MSRB3: variants seen among roughly 807,000 people sequenced by gnomAD.
MSRB3 encodes methionine-R-sulfoxide reductase B3.
Under a neutral mutation model 21.0 loss-of-function variants are expected in MSRB3, and 13 were observed. The observed-to-expected ratio is 0.62, with a 90% CI of 0.40 to 0.98. The LOEUF (loss-of-function observed/expected upper bound fraction) is 0.98. MSRB3 is among the 50% of genes least tolerant of loss of function. The pLI is 0.00. For missense variants in MSRB3, 199 were observed against 230.3 expected (o/e 0.86, Z 0.88); for synonymous variants, 87 against 88.6 (o/e 0.98, Z 0.10).
chr12:65,424,352 C>G (rs1320686559), intron 5 of MSRB3, among the ~76,000 whole-genome samples: 1 of 151,694 alleles, frequency 6.6e-6, no homozygotes, highest in Non-Finnish European at 1.5e-5. Flanking sequence ...TTCCTGCTAT[C>G]TTTTTGCCTA....
intron 5 of MSRB3, among the ~76,000 whole-genome samples, chr12:65,439,036 T>G (rs1032484116): frequency 2.6e-5 from 4 of 151,876 alleles, no homozygotes; most frequent in Non-Finnish European, 5.9e-5. Flanking sequence ...TGAGTTAAGT[T>G]CTAGTTATTT....
intron 5 of MSRB3, among the ~76,000 whole-genome samples, chr12:65,441,441 C>A (rs1000001549): frequency 6.6e-6 from 1 of 151,970 alleles, no homozygotes; most frequent in Admixed American, 6.6e-5. Flanking sequence ...GACTCTGTAA[C>A]TAATTCGGCT....
intron 5 of MSRB3, 68 bp from the exon 6 acceptor site, chr12:65,453,660 A>G: frequency 8.7e-7 from 1 of 1,153,504 alleles, no homozygotes; most frequent in South Asian, 1.2e-5. Context: ...ATTTCTTTAA[A>G]ATGCATTCTA....
At chr12:65,423,518 A>G (rs1394992282) in intron 5 of MSRB3, among the ~76,000 whole-genome samples, 1 of 152,068 alleles carries the variant, frequency 6.6e-6, no homozygotes, top group Non-Finnish European at 1.5e-5. Context: ...GCACATTCCT[A>G]CTATACCTAA....
chr12:65,428,249 T>C (rs1406012641), intron 5 of MSRB3, among the ~76,000 whole-genome samples: 1 of 152,226 alleles, frequency 6.6e-6, no homozygotes, highest in Admixed American at 6.5e-5. Flanking sequence ...TTCTTTGTTC[T>C]GGGCAATATC....
At chr12:65,335,530 A>G (rs764337936) in intron 4 of MSRB3, among the ~76,000 whole-genome samples, 19 of 152,152 alleles carry the variant, frequency 1.2e-4, no homozygotes, top group Non-Finnish European at 2.2e-4. Flanking sequence ...AGTTCACTCA[A>G]CTGTGCTACT....
intron 4 of MSRB3, among the ~76,000 whole-genome samples, chr12:65,331,492 G>A (rs1005307702): frequency 1.3e-5 from 2 of 152,176 alleles, no homozygotes; most frequent in African/African-American, 4.8e-5. Flanking sequence ...AGTTGTTATG[G>A]TGCCATGATG....
intron 5 of MSRB3, among the ~76,000 whole-genome samples, chr12:65,377,556 T>C (rs1230330176): frequency 6.6e-6 from 1 of 152,238 alleles, no homozygotes; most frequent in Non-Finnish European, 1.5e-5. Context: ...TGCCTCGGCC[T>C]CCCAAATTGC....
intron 2 of MSRB3, 60 bp downstream of exon 2, chr12:65,308,715 C>A: frequency 6.2e-7 from 1 of 1,610,652 alleles, no homozygotes; most frequent in Non-Finnish European, 8.5e-7. Flanking sequence ...GTTTCTGCTG[C>A]AGGAAATGAT....
chr12:65,352,482 G>A (rs909582202), intron 4 of MSRB3, among the ~76,000 whole-genome samples: 8 of 151,034 alleles, frequency 5.3e-5, no homozygotes, highest in East Asian at 2.0e-4. Flanking sequence ...GGCAGGAGAA[G>A]GAAATAAAGG....
chr12:65,369,541 A>C (rs1353834399), intron 5 of MSRB3, among the ~76,000 whole-genome samples: 1 of 152,202 alleles, frequency 6.6e-6, no homozygotes, highest in Non-Finnish European at 1.5e-5. Flanking sequence ...TTTTGAATCT[A>C]TTAAGACAAA....
chr12:65,435,585 T>C (rs902303028), intron 5 of MSRB3, among the ~76,000 whole-genome samples: 6 of 151,880 alleles, frequency 4.0e-5, no homozygotes, highest in African/African-American at 1.4e-4. Flanking sequence ...TGTACACCTG[T>C]TTGTTCACAG....
chr12:65,408,065 T>A (rs903535406), intron 5 of MSRB3, among the ~76,000 whole-genome samples: 2 of 152,104 alleles, frequency 1.3e-5, no homozygotes, highest in African/African-American at 4.8e-5. Context: ...GCTTGCTCTA[T>A]CTCTTCAAAA....
chr12:65,381,428 G>A (rs1355727154), intron 5 of MSRB3, among the ~76,000 whole-genome samples: 1 of 152,112 alleles, frequency 6.6e-6, no homozygotes, highest in South Asian at 2.1e-4. Context: ...ACATTCAACT[G>A]CAATGTGTAG....
Position 65,432,575 on chromosome 12 carries a change from C to A in MSRB3, c.293-21153C>A, listed in dbSNP as rs561285544. The stretch of plus-strand genomic sequence containing the variant: ...TAAATGGATTGACTCACCTTTTTAG[C>A]AGATGAAGATAGGAACAAAGATATC... On this transcript the variant is annotated intron_variant, in intron 5 of 6. Coordinates refer to ENST00000308259, the MANE Select transcript of MSRB3 (RefSeq NM_001031679.3). Among the ~76,000 whole-genome samples the A allele has an allele frequency of 1.8e-4, 27 of 152,042 alleles. No homozygotes were observed. In the East Asian group the frequency reaches 4.0e-3, roughly 23 times the overall value.
At chr12:65,352,852 A>G (rs894563291) in intron 4 of MSRB3, among the ~76,000 whole-genome samples, 35 of 151,460 alleles carry the variant, frequency 2.3e-4, no homozygotes, top group Non-Finnish European at 3.4e-4. Flanking sequence ...ATGCTCATGG[A>G]TAGGAAGAAT....
chr12:65,342,155 C>G (rs1163229172), intron 4 of MSRB3, among the ~76,000 whole-genome samples: 1 of 151,192 alleles, frequency 6.6e-6, no homozygotes, highest in Non-Finnish European at 1.5e-5. Context: ...GATTGGACTA[C>G]TAAATATTTT....
intron 5 of MSRB3, among the ~76,000 whole-genome samples, chr12:65,383,946 A>T (rs1329860723): frequency 6.6e-6 from 1 of 152,242 alleles, no homozygotes; most frequent in Non-Finnish European, 1.5e-5. Context: ...GGCGTGAGCC[A>T]CTGCCCCCGG....
intron 5 of MSRB3, among the ~76,000 whole-genome samples, chr12:65,374,935 C>T (rs984627981): frequency 5.3e-5 from 8 of 151,816 alleles, no homozygotes; most frequent in Non-Finnish European, 1.2e-4. Flanking sequence ...ATGCAAGCTC[C>T]GCCTCCCAGG....
Sources: allele counts gnomAD v4.1 joint callset (sites outside exome capture counted in the v4.1 genomes callset), GRCh38; gene constraint gnomAD v4.1.1; transcripts MANE v1.5; gene names NCBI Gene and HGNC (gene_info 2026-07-23, HGNC 2026-07-21).